NRP1: variants seen among roughly 807,000 people sequenced by gnomAD.
The protein encoded by NRP1 is neuropilin 1, also known as neuropilin-1.
In NRP1, 35 loss-of-function variants were observed where a neutral mutation model predicts 106.7. The observed-to-expected ratio is 0.33, with a 90% CI of 0.25 to 0.43. The LOEUF (loss-of-function observed/expected upper bound fraction) is 0.43. Among genes scored for constraint, NRP1 ranks in the 20% least tolerant of loss-of-function variants. NRP1 has a pLI of 1.00. For missense variants in NRP1, 1,024 were observed against 1,170.4 expected (o/e 0.87, Z 1.83); for synonymous variants, 437 against 417.9 (o/e 1.05, Z -0.56).
chr10:33,194,573 G>A, intron 12 of NRP1: 1 of 351,876 alleles, frequency 2.8e-6, no homozygotes, highest in Admixed American at 3.4e-5. Context: ...ATGACAGTCT[G>A]CCTTTACCTT....
intron 11 of NRP1, among the ~76,000 whole-genome samples, chr10:33,200,180 T>C (rs918654217): frequency 3.3e-5 from 5 of 152,154 alleles, no homozygotes; most frequent in African/African-American, 7.2e-5. Context: ...AAGGTGAAAA[T>C]TCGCTTTTTA....
chr10:33,334,494 T>A lies in NRP1; in HGVS notation c.-112A>T. 2 of 879,346 alleles carry A rather than the reference T, an allele frequency of 2.3e-6. No homozygotes were observed. Among genetic ancestry groups the A allele is most frequent in the Non-Finnish European group, 3.5e-6 (2 of 570,556 alleles). The allele number at this position is 879,346 out of a possible 1,614,324, so 54.5% of individuals were successfully genotyped here. A position where few individuals can be genotyped will look rare whatever the true frequency, so the allele number is the denominator to read the frequency against. On this transcript the variant is annotated 5_prime_UTR_variant, in exon 1 of 17. Transcript: ENST00000374867. ...AGAGCCCCAACTCCGCCTAGAGCTG[T>A]ACAATCCTCAGCCCGTCTTGGAGAA...
intron 2 of NRP1, among the ~76,000 whole-genome samples, chr10:33,275,604 A>C (rs1843631696): frequency 6.6e-6 from 1 of 151,978 alleles, no homozygotes; most frequent in South Asian, 2.1e-4. Context: ...CCAAAAAAAA[A>C]AACCATGTTC....
At chr10:33,182,833 GCACA>G (rs148435065) in intron 15 of NRP1, 85 bp from the exon 16 acceptor site, 48,790 of 734,148 alleles carry the variant, frequency 0.066, 870 homozygotes, top group African/African-American at 0.16. Flanking sequence ...TTAGGTACAT[GCACA>G]CACACACACA....
chr10:33,249,569 A>G, intron 6 of NRP1: 1 of 503,882 alleles, frequency 2.0e-6, no homozygotes, highest in Non-Finnish European at 4.0e-6. Context: ...TTAACCAGAA[A>G]CAAAGAAAGG....
chr10:33,292,300 T>C (rs976794856), intron 2 of NRP1, among the ~76,000 whole-genome samples: 6 of 152,174 alleles, frequency 3.9e-5, no homozygotes, highest in Non-Finnish European at 8.8e-5. Context: ...CGATTAAGAA[T>C]GCAAATCCTC....
chr10:33,311,762 C>T (rs761402733), intron 2 of NRP1, among the ~76,000 whole-genome samples: 1 of 152,164 alleles, frequency 6.6e-6, no homozygotes, highest in Non-Finnish European at 1.5e-5. Context: ...TTTTTAAGCA[C>T]ATGTTGTGAT....
chr10:33,225,789 G>A lies in NRP1; in HGVS notation c.1137+345C>T, dbSNP rs1295103154. Among the ~76,000 whole-genome samples, 3 of 152,162 alleles carry A rather than the reference G, an allele frequency of 2.0e-5. No homozygotes were observed. The East Asian group carries it at 5.8e-4, about 29-fold the overall frequency. On this transcript the variant is annotated intron_variant, in intron 7 of 16. Coordinates refer to ENST00000374867, the MANE Select transcript of NRP1 (RefSeq NM_003873.7). ...GAATCTATGAAAGGATGAAGAAATCGAGGGGGGAAAAACAACAAAACCCCA... is the reference window on the plus strand; with the variant it reads ...GAATCTATGAAAGGATGAAGAAATCAAGGGGGGAAAAACAACAAAACCCCA...
chr10:33,212,221 G>A (rs947762479), intron 9 of NRP1: 4 of 152,148 alleles, frequency 2.6e-5, no homozygotes, highest in South Asian at 2.1e-4. Context: ...AGGTTTCAAC[G>A]CATAAAGAAA....
intron 9 of NRP1, among the ~76,000 whole-genome samples, chr10:33,208,774 A>G (rs2132760350): frequency 6.6e-6 from 1 of 152,276 alleles, no homozygotes; most frequent in Admixed American, 6.5e-5. Flanking sequence ...ATGATATTGA[A>G]AAACCATAAA....
At chr10:33,208,218 G>A (rs1227891212) in intron 9 of NRP1, among the ~76,000 whole-genome samples, 6 of 152,022 alleles carry the variant, frequency 3.9e-5, no homozygotes, top group Admixed American at 6.6e-5. Context: ...GCGCCACCAC[G>A]CCGAGCTAAT....
chr10:33,216,298 C>T (rs958909314), intron 8 of NRP1, among the ~76,000 whole-genome samples: 6 of 151,654 alleles, frequency 4.0e-5, no homozygotes, highest in Middle Eastern at 3.4e-3. Flanking sequence ...CCACCACGCC[C>T]GGCTTATTTT....
intron 2 of NRP1, among the ~76,000 whole-genome samples, chr10:33,302,812 T>A (rs1449134478): frequency 6.6e-6 from 1 of 152,142 alleles, no homozygotes; most frequent in Non-Finnish European, 1.5e-5. Flanking sequence ...AGGTTGGAAA[T>A]AAGAATAATG....
At chr10:33,220,684 G>A (rs1002275057) in intron 8 of NRP1, among the ~76,000 whole-genome samples, 1 of 152,028 alleles carries the variant, frequency 6.6e-6, no homozygotes, top group African/African-American at 2.4e-5. Context: ...ATCACCTGAG[G>A]TCAGGAGTTC....
chr10:33,207,956 C>T (rs375604358), intron 9 of NRP1, among the ~76,000 whole-genome samples: 1 of 152,220 alleles, frequency 6.6e-6, no homozygotes, highest in Admixed American at 6.5e-5. Context: ...GATGGGGTCT[C>T]ACTCTGTCGC....
chr10:33,221,686 G>A (rs4934837), intron 8 of NRP1, 33 bp downstream of exon 8: 442,465 of 1,584,948 alleles, frequency 0.28, 66,539 homozygotes, highest in East Asian at 0.63. Flanking sequence ...TCTTCGACTT[G>A]GAAGATTCAG....
intron 7 of NRP1, among the ~76,000 whole-genome samples, chr10:33,222,268 A>G (rs11009306): frequency 0.28 from 42,560 of 152,062 alleles, 6,421 homozygotes; most frequent in East Asian, 0.62. Flanking sequence ...AGTAAACTAT[A>G]GGGCCTGGCT....
chr10:33,313,829 G>C (rs1200631579), intron 2 of NRP1, among the ~76,000 whole-genome samples: 1 of 152,162 alleles, frequency 6.6e-6, no homozygotes, highest in African/African-American at 2.4e-5. Context: ...AGGAGACAAA[G>C]CTGAGGGCAC....
intron 8 of NRP1, among the ~76,000 whole-genome samples, chr10:33,220,012 C>G (rs1237330064): frequency 1.3e-5 from 2 of 152,184 alleles, no homozygotes; most frequent in Admixed American, 1.3e-4. Flanking sequence ...TTTCAATGTC[C>G]TTTCTTCTTT....
Sources: gnomAD v4.1 joint callset for allele counts (sites outside exome capture counted in the v4.1 genomes callset) on GRCh38, gnomAD v4.1.1 for gene constraint, MANE v1.5 for transcripts, NCBI Gene and HGNC (gene_info 2026-07-23, HGNC 2026-07-21) for gene names.